MICU1: variants seen among roughly 807,000 people sequenced by gnomAD.
MICU1 encodes mitochondrial calcium uptake 1, also known as calcium uptake protein 1, mitochondrial.
A neutral mutation model predicts 56.8 loss-of-function variants in MICU1; 45 were observed. The ratio of observed to expected loss-of-function variants is 0.79; its 90% CI spans 0.62 to 1.02. The LOEUF (loss-of-function observed/expected upper bound fraction) is 1.02, where lower values mean the gene tolerates loss of function less well. MICU1 is among the 50% of genes least tolerant of loss of function. The pLI, the probability that MICU1 is intolerant of heterozygous loss-of-function variation, is 0.00. For synonymous variants in MICU1, 186 were observed against 195.1 expected (o/e 0.95, Z 0.39); for missense variants, 504 against 587.1 (o/e 0.86, Z 1.46).
At chr10:72,388,074 A>T (rs1221832379) in intron 10 of MICU1, among the ~76,000 whole-genome samples, 1 of 152,192 alleles carries the variant, frequency 6.6e-6, no homozygotes, top group Non-Finnish European at 1.5e-5. Context: ...AAAACTAGTG[A>T]ATAGCGGGGA....
intron 6 of MICU1, among the ~76,000 whole-genome samples, chr10:72,491,382 T>A (rs1866650156): frequency 6.6e-6 from 1 of 152,196 alleles, no homozygotes; most frequent in Non-Finnish European, 1.5e-5. Context: ...ACCCTTTAGT[T>A]TACCTGCTTC....
At chr10:72,481,606 T>C (rs1356052009) in intron 6 of MICU1, among the ~76,000 whole-genome samples, 1 of 152,140 alleles carries the variant, frequency 6.6e-6, no homozygotes, top group African/African-American at 2.4e-5. Flanking sequence ...GAGACGGGGT[T>C]TCACCATATT....
At chr10:72,402,612 A>G (rs530817675) in intron 10 of MICU1, among the ~76,000 whole-genome samples, 2 of 152,312 alleles carry the variant, frequency 1.3e-5, no homozygotes, top group Admixed American at 6.5e-5. Context: ...AAAACAAAAA[A>G]TGATCGATAA....
intron 1 of MICU1, among the ~76,000 whole-genome samples, chr10:72,599,764 C>T (rs1841475730): frequency 4.6e-5 from 7 of 152,100 alleles, no homozygotes. Flanking sequence ...CTATTATGTA[C>T]CACAATACCA....
intron 3 of MICU1, among the ~76,000 whole-genome samples, chr10:72,555,412 A>C (rs1370586444): frequency 6.6e-6 from 1 of 152,182 alleles, no homozygotes; most frequent in Non-Finnish European, 1.5e-5. Flanking sequence ...AGGAAGAAAA[A>C]TGTTAATTTT....
At chr10:72,458,029 T>TCAC (rs1865526005) in intron 8 of MICU1, among the ~76,000 whole-genome samples, 1 of 151,912 alleles carries the variant, frequency 6.6e-6, no homozygotes, top group South Asian at 2.1e-4. Context: ...TAGCCACGCG[T>TCAC]GGTGGCACGT....
chr10:72,606,521 A>C (rs1323540381), intron 1 of MICU1, among the ~76,000 whole-genome samples: 1 of 152,098 alleles, frequency 6.6e-6, no homozygotes, highest in African/African-American at 2.4e-5. Context: ...CTCAAAAAAA[A>C]AAATTTTTTT....
chr10:72,494,130 A>T (rs943538555), intron 6 of MICU1, among the ~76,000 whole-genome samples: 1 of 152,078 alleles, frequency 6.6e-6, no homozygotes, highest in African/African-American at 2.4e-5. Context: ...TTTACCTCAT[A>T]CAGTTTTGGG....
In MICU1 at chr10:72,414,282, C is replaced by T. The variant is rs554408877; in HGVS notation, c.1072-6245G>A. Among the ~76,000 whole-genome samples the T allele has an allele frequency of 2.0e-5, 3 of 152,052 alleles. No homozygotes were observed. In the East Asian group the frequency reaches 5.8e-4, roughly 29 times the overall value. ...CAATAAAATACTATTTACTCTTCTG[C>T]AATAGAAAATAATAAACTATTAATA... On this transcript the variant is annotated intron_variant, in intron 9 of 11. Transcript: ENST00000361114.
At chr10:72,547,141 T>A (rs1721166569) in intron 4 of MICU1, among the ~76,000 whole-genome samples, 1 of 151,916 alleles carries the variant, frequency 6.6e-6, no homozygotes, top group Admixed American at 6.6e-5. Context: ...GATCTGTCCA[T>A]GTCGGCCTCC....
intron 4 of MICU1, among the ~76,000 whole-genome samples, chr10:72,546,450 G>A (rs374955293): frequency 5.9e-5 from 9 of 152,098 alleles, no homozygotes; most frequent in South Asian, 2.1e-4. Context: ...AAATCTGGCC[G>A]CTTCTGTATC....
chr10:72,615,099 GTGTTTGTTTGTT>G (rs72461335), intron 1 of MICU1, among the ~76,000 whole-genome samples: 18 of 150,762 alleles, frequency 1.2e-4, no homozygotes, highest in African/African-American at 3.4e-4. Flanking sequence ...GTGTGGTTTT[GTGTTTGTTTGTT>G]TGTTTGTTTG....
Position 72,402,150 on chromosome 10 carries a change from G to GA in MICU1, c.1180+5778dup, listed in dbSNP as rs11296493. ...AATGCTTCCATTGGAAGATTTCTGA[G>GA]AAAAAAAAAAAAAGTGGCTGAATGA... On this transcript the variant is annotated intron_variant, in intron 10 of 11. Coordinates refer to ENST00000361114, the MANE Select transcript of MICU1 (RefSeq NM_001195518.2). Among the ~76,000 whole-genome samples, 241 of 145,526 alleles carry GA rather than the reference G, an allele frequency of 1.7e-3. 2 individuals carry two copies. The East Asian group carries it at 0.035, about 21-fold the overall frequency.
chr10:72,503,843 G>A (rs974532722), intron 6 of MICU1, among the ~76,000 whole-genome samples: 12 of 148,826 alleles, frequency 8.1e-5, no homozygotes, highest in African/African-American at 3.0e-4. Flanking sequence ...GCCAAATCAA[G>A]AACTCAATTC....
rs1202472064 is a variant in MICU1, at chr10:72,430,292, T to C, written c.934-6921A>G. 3.9e-5 allele frequency among the ~76,000 whole-genome samples: 6 copies of C among 152,228 alleles called. No homozygotes were observed. The East Asian group carries it at 9.6e-4, about 24-fold the overall frequency. On this transcript the variant is annotated intron_variant, in intron 8 of 11. Coordinates refer to ENST00000361114, the MANE Select transcript of MICU1 (RefSeq NM_001195518.2). ...TCTAGGCTGTTTCATTTTTTGTCTA[T>C]GGTAAGTACCACTCTGATAAACTTT...
chr10:72,482,547 A>G (rs1866333652), intron 6 of MICU1, among the ~76,000 whole-genome samples: 1 of 152,114 alleles, frequency 6.6e-6, no homozygotes, highest in South Asian at 2.1e-4. Context: ...AGAGGTCACC[A>G]CTTCTGAGGT....
At chr10:72,414,497 G>GA (rs1427628352) in intron 9 of MICU1, among the ~76,000 whole-genome samples, 2 of 152,146 alleles carry the variant, frequency 1.3e-5, no homozygotes, top group Non-Finnish European at 2.9e-5. Flanking sequence ...TATAGAGACT[G>GA]AAAGCTGTTT....
chr10:72,618,387 C>T (rs1056512626), intron 1 of MICU1, among the ~76,000 whole-genome samples: 1 of 152,142 alleles, frequency 6.6e-6, no homozygotes, highest in African/African-American at 2.4e-5. Flanking sequence ...GTGTGTGCCA[C>T]TGCCCCTAGC....
At chr10:72,532,927 C>T (rs2132409043) in intron 5 of MICU1, 2 of 1,201,232 alleles carry the variant, frequency 1.7e-6, no homozygotes, top group Non-Finnish European at 2.1e-6. Context: ...GGAATTGGCA[C>T]ATTTCTGCAA....
Sources: gnomAD v4.1 joint callset for allele counts (sites outside exome capture counted in the v4.1 genomes callset) on GRCh38, gnomAD v4.1.1 for gene constraint, MANE v1.5 for transcripts, NCBI Gene and HGNC (gene_info 2026-07-23, HGNC 2026-07-21) for gene names.